LRP5: variants seen among roughly 807,000 people sequenced by gnomAD.
LRP5 encodes the protein low-density lipoprotein receptor-related protein 5.
A neutral mutation model predicts 154.1 loss-of-function variants in LRP5; 62 were observed. The observed-to-expected ratio is 0.40, with a 90% CI of 0.33 to 0.50. The LOEUF is 0.50. Ranked by LOEUF, LRP5 falls within the 20% of genes least tolerant of loss-of-function variation. The pLI is 0.55. For missense variants in LRP5, 1,915 were observed against 2,336.7 expected (o/e 0.82, Z 3.72); for synonymous variants, 966 against 1,011.5 (o/e 0.96, Z 0.85).
At chr11:68,440,085 A>G (rs972801125) in intron 21 of LRP5, 169 bp downstream of exon 21, 9 of 626,886 alleles carry the variant, frequency 1.4e-5, no homozygotes, top group African/African-American at 1.1e-4. Context: ...CTTTAATGAC[A>G]TTGTTGATTG....
chr11:68,365,437 C>A, intron 4 of LRP5, 134 bp from the exon 5 acceptor site: 2 of 1,326,424 alleles, frequency 1.5e-6, no homozygotes, highest in Non-Finnish European at 1.1e-6. Context: ...GTCCCTGATG[C>A]CACTTGAGGC....
Position 68,386,189 on chromosome 11 carries a change from C to T in LRP5, c.1016-127C>T. On this transcript the variant is annotated intron_variant, in intron 5 of 22. Coordinates refer to ENST00000294304, the MANE Select transcript of LRP5 (RefSeq NM_002335.4). This position sits in a 1 kb window ranked among gnomAD's most constrained non-coding sequence, Gnocchi z 7.9. Reference sequence around the variant, plus strand: ...GGGCTGGGTGCGTGTCACCTAACATCACCAGCCTTTGCAAGGAGAGCCCTG... The same window carrying T: ...GGGCTGGGTGCGTGTCACCTAACATTACCAGCCTTTGCAAGGAGAGCCCTG... The T allele has an allele frequency of 1.7e-6, 2 of 1,168,030 alleles. No individual in the cohort carries two copies. The highest frequency in any genetic ancestry group is 1.8e-5 in the Admixed American group (1 of 56,908). 72.4% of individuals were successfully genotyped at this position (1,168,030 alleles called of 1,614,324 possible). A position where few individuals can be genotyped will look rare whatever the true frequency, so the allele number is the denominator to read the frequency against.
intron 2 of LRP5, among the ~76,000 whole-genome samples, chr11:68,356,104 A>G (rs1211102165): frequency 1.3e-5 from 2 of 150,692 alleles, no homozygotes; most frequent in East Asian, 3.9e-4. Context: ...TCGGCCTCCC[A>G]AAGCGCTGGA....
chr11:68,370,314 C>A (rs1300309304), intron 5 of LRP5, among the ~76,000 whole-genome samples: 14 of 152,134 alleles, frequency 9.2e-5, no homozygotes. Flanking sequence ...AGGCCCAGAG[C>A]AGCCCTGGGG....
chr11:68,331,984 G>A (rs955140146), intron 1 of LRP5, among the ~76,000 whole-genome samples: 1 of 152,006 alleles, frequency 6.6e-6, no homozygotes, highest in Non-Finnish European at 1.5e-5. Flanking sequence ...GGGCAGGTGG[G>A]GGCCAAGCTG....
the LRP5 span, among the ~76,000 whole-genome samples, chr11:68,306,059 C>T: frequency 2.6e-5 from 4 of 152,220 alleles, no homozygotes; most frequent in Non-Finnish European, 5.9e-5. Context: ...CTTGTGGCTG[C>T]ATGGCTCCAA....
At chr11:68,320,336 C>T (rs1209199617) in intron 1 of LRP5, among the ~76,000 whole-genome samples, 3 of 152,142 alleles carry the variant, frequency 2.0e-5, no homozygotes, top group South Asian at 2.1e-4. Context: ...AAAATTATAA[C>T]ACCTTTTGAT....
chr11:68,413,131 T>G lies in LRP5; in HGVS notation c.2504-558T>G, dbSNP rs952828851. 2.0e-5 allele frequency: 4 copies of G among 201,722 alleles called. No individual in the cohort carries two copies. Among genetic ancestry groups the G allele is most frequent in the African/African-American group, 9.3e-5 (4 of 43,180 alleles). 12.5% of individuals were successfully genotyped at this position (201,722 alleles called of 1,614,324 possible). On this transcript the variant is annotated intron_variant, in intron 11 of 22. Transcript: ENST00000294304. The surrounding 1 kb of genome is among the most constrained non-coding windows in gnomAD (Gnocchi z 5.1). ...TCATCCAGGCCGCATGCAAACCTGTTGCCAGGCGAGAAACCAGTCACCGCA... is the reference window on the plus strand; with the variant it reads ...TCATCCAGGCCGCATGCAAACCTGTGGCCAGGCGAGAAACCAGTCACCGCA...
chr11:68,434,173 T>C (rs2098673557), intron 18 of LRP5, among the ~76,000 whole-genome samples: 3 of 152,176 alleles, frequency 2.0e-5, no homozygotes, highest in African/African-American at 4.8e-5. Context: ...AAGACAGTGC[T>C]GTCTCCACTG....
intron 3 of LRP5, among the ~76,000 whole-genome samples, chr11:68,359,644 C>T (rs770725784): frequency 3.3e-5 from 5 of 152,108 alleles, no homozygotes; most frequent in Non-Finnish European, 7.4e-5. Context: ...CTCATACCAC[C>T]TCTATGAAAC....
chr11:68,410,166 C>T (rs1264239730), intron 10 of LRP5, 26 bp downstream of exon 10: 4 of 1,592,724 alleles, frequency 2.5e-6, no homozygotes, highest in Non-Finnish European at 3.4e-6. Context: ...TCCCGTGCGT[C>T]CTTGTGTTCA....
At chr11:68,318,858 G>A (rs779045322) in intron 1 of LRP5, among the ~76,000 whole-genome samples, 10 of 152,298 alleles carry the variant, frequency 6.6e-5, no homozygotes, top group Non-Finnish European at 1.2e-4. Context: ...TCCCTGTGGG[G>A]CATTGAGAGG....
rs1006907041 is a variant in LRP5, at chr11:68,423,983, T to C, written c.3236+286T>C. ...GGTTTTGTATCATCCTTGTTAAACT[T>C]GAACCCTGTGCAGAAATCCCTTCCA... On this transcript the variant is annotated intron_variant, in intron 14 of 22. Transcript: ENST00000294304. The surrounding 1 kb of genome is among the most constrained non-coding windows in gnomAD (Gnocchi z 4.7). Among the ~76,000 whole-genome samples, 2 of 152,198 alleles carry C rather than the reference T, an allele frequency of 1.3e-5. No homozygotes were observed. Among genetic ancestry groups the C allele is most frequent in the Non-Finnish European group, 2.9e-5 (2 of 68,028 alleles).
chr11:68,354,699 G>A (rs964646578), intron 2 of LRP5, among the ~76,000 whole-genome samples: 3 of 152,224 alleles, frequency 2.0e-5, no homozygotes, highest in Admixed American at 6.5e-5. Flanking sequence ...GGCCGGGCTC[G>A]GGCCCTCAGC....
At chr11:68,442,160 A>G (rs986789250) in intron 21 of LRP5, among the ~76,000 whole-genome samples, 29 of 152,238 alleles carry the variant, frequency 1.9e-4, no homozygotes, top group African/African-American at 6.8e-4. Flanking sequence ...AAGAGCACAG[A>G]CCCATTTATC....
At chr11:68,410,328 G>A (rs1053478508) in intron 10 of LRP5, among the ~76,000 whole-genome samples, 188 bp downstream of exon 10, 6 of 152,182 alleles carry the variant, frequency 3.9e-5, no homozygotes, top group Admixed American at 6.5e-5. Context: ...TTCGTGGAGC[G>A]GGTGCTGAGG....
chr11:68,304,847 G>T, the LRP5 span, among the ~76,000 whole-genome samples: 1 of 152,236 alleles, frequency 6.6e-6, no homozygotes. Context: ...GAACAGGAAT[G>T]TTTACCTAAT....
rs114619969 is a variant in LRP5, at chr11:68,349,847, C to T, written c.488+1604C>T. On this transcript the variant is annotated intron_variant, in intron 2 of 22. Coordinates refer to ENST00000294304, the MANE Select transcript of LRP5 (RefSeq NM_002335.4). ...GCAGCCTGGGAGTGACTCTGGGGGC[C>T]GTACACACACCCTTACCTGGGCTGT... is the stretch of plus-strand genomic sequence containing the variant. Among the ~76,000 whole-genome samples the T allele has an allele frequency of 6.5e-3, 990 of 152,246 alleles. 13 individuals carry two copies. The highest frequency in any genetic ancestry group is 0.022 in the African/African-American group (925 of 41,542).
intron 5 of LRP5, among the ~76,000 whole-genome samples, chr11:68,373,398 C>G (rs866195097): frequency 1.1e-3 from 168 of 150,052 alleles, no homozygotes; most frequent in Middle Eastern, 0.01. Context: ...GCGGGGGGGG[C>G]CCCGCACTGC....
Sources: gnomAD v4.1 joint callset for allele counts (sites outside exome capture counted in the v4.1 genomes callset) on GRCh38, gnomAD v4.1.1 for gene constraint, Gnocchi (gnomAD v3.1) non-coding constraint, MANE v1.5 for transcripts, NCBI Gene and HGNC (gene_info 2026-07-23, HGNC 2026-07-21) for gene names.